MPV17: variants seen among roughly 807,000 people sequenced by gnomAD.
MPV17 encodes mitochondrial inner membrane protein MPV17.
MPV17 carries 31 observed loss-of-function variants against 28.6 expected under a neutral mutation model. That is an observed-to-expected ratio of 1.08 (90% CI 0.81 to 1.46). MPV17 has a LOEUF of 1.46. Among genes scored for constraint, MPV17 ranks in the 40% most tolerant of loss-of-function variants. MPV17 has a pLI of 0.00. For synonymous variants in MPV17, 87 were observed against 85.3 expected (o/e 1.02, Z -0.11); for missense variants, 198 against 216.2 (o/e 0.92, Z 0.53).
In MPV17 at chr2:27,315,245, T is replaced by C. The variant is rs529299526; in HGVS notation, c.71-2136A>G. Among the ~76,000 whole-genome samples, 8 of 152,368 alleles carry C rather than the reference T, an allele frequency of 5.3e-5. No individual in the cohort carries two copies. The East Asian group carries it at 1.2e-3, about 22-fold the overall frequency. ...CTCTGAGAAAGGGTCTGAAGAATTC[T>C]TAAGTTGCCCAAAGGTCCAAGTCGG... is the stretch of plus-strand genomic sequence containing the variant. On this transcript the variant is annotated intron_variant, in intron 2 of 7. Transcript: ENST00000380044.
At chr2:27,316,153 T>C in intron 2 of MPV17, 8 of 1,551,186 alleles carry the variant, frequency 5.2e-6, no homozygotes, top group Non-Finnish European at 7.0e-6. Context: ...TTCTGCTCCT[T>C]GTCACCTCGT....
intron 1 of MPV17, among the ~76,000 whole-genome samples, 193 bp downstream of exon 1, chr2:27,322,859 G>A (rs968486203): frequency 3.9e-5 from 6 of 152,192 alleles, no homozygotes; most frequent in African/African-American, 1.4e-4. Flanking sequence ...CCCAGAGCTT[G>A]GGTGCCTCAA....
chr2:27,322,096 G>A (rs923516775), intron 2 of MPV17: 7 of 340,290 alleles, frequency 2.1e-5, no homozygotes, highest in Admixed American at 4.4e-5. Context: ...ACACACCTTT[G>A]TGGGGGCCCT....
chr2:27,314,514 A>T (rs1033819906), intron 2 of MPV17, among the ~76,000 whole-genome samples: 1 of 152,152 alleles, frequency 6.6e-6, no homozygotes, highest in Non-Finnish European at 1.5e-5. Context: ...TTTCCCTTCC[A>T]GGACTCTGCA....
At chr2:27,312,006 C>G (rs1679462783) in intron 6 of MPV17, 55 bp from the exon 7 acceptor site, 3 of 1,597,574 alleles carry the variant, frequency 1.9e-6, no homozygotes, top group Non-Finnish European at 2.6e-6. Context: ...ACCCCAGACT[C>G]ACTGTCTTGC....
At chr2:27,322,974 T>C in intron 1 of MPV17, 78 bp downstream of exon 1, 2 of 235,148 alleles carry the variant, frequency 8.5e-6, no homozygotes, top group Admixed American at 5.2e-5. Flanking sequence ...TGCCCGGATA[T>C]AGGATGACCA....
At chr2:27,310,424 G>C (rs1229974657) in intron 7 of MPV17, among the ~76,000 whole-genome samples, 1 of 152,168 alleles carries the variant, frequency 6.6e-6, no homozygotes, top group Non-Finnish European at 1.5e-5. Flanking sequence ...GGGCCTGTGT[G>C]GCTTGCACTA....
intron 7 of MPV17, chr2:27,310,983 T>C (rs962779584): frequency 6.7e-6 from 1 of 148,696 alleles, no homozygotes; most frequent in Non-Finnish European, 1.5e-5. Flanking sequence ...GACCTTGTGA[T>C]CCACCTGCCT....
Position 27,312,581 on chromosome 2 carries a change from A to C in MPV17, c.288T>G (p.Phe96Leu). Residue 96 changes from phenylalanine (F) to leucine (L), a missense_variant, in exon 5 of 8, where the codon TTT becomes TTG. Coordinates refer to ENST00000380044, the MANE Select transcript of MPV17 (RefSeq NM_002437.5). ...GAAAGCAGCCTAGAAAACACGGGGC[A>C]AAGCCCCCCTAGGGAAGAGAAATTA... Reference protein sequence around the residue: ...LKKMLLDQGGFAPCFLGCFLP... With the variant: ...LKKMLLDQGGLAPCFLGCFLP... The C allele has an allele frequency of 6.2e-7, 1 of 1,614,044 alleles. No individual in the cohort carries two copies. The highest frequency in any genetic ancestry group is 8.5e-7 in the Non-Finnish European group (1 of 1,179,926).
chr2:27,317,165 C>A lies in MPV17; in HGVS notation c.71-4056G>T. On this transcript the variant is annotated intron_variant, in intron 2 of 7. Transcript: ENST00000380044. The surrounding 1 kb of genome is among the most constrained non-coding windows in gnomAD (Gnocchi z 4.0). ...AGGAGCAGGAAGCGTGTCCTTCAGT[C>A]CAGGAGGCCTGGGTCGGCAGGTATA... 1 of 1,550,264 alleles carries A rather than the reference C, an allele frequency of 6.5e-7. No individual in the cohort carries two copies. The highest frequency in any genetic ancestry group is 8.7e-7 in the Non-Finnish European group (1 of 1,146,914).
rs886639038 is a variant in MPV17, at chr2:27,317,018, C to G, written c.71-3909G>C. 2.1e-6 allele frequency: 3 copies of G among 1,461,960 alleles called. No homozygotes were observed. Among genetic ancestry groups the G allele is most frequent in the Non-Finnish European group, 2.8e-6 (3 of 1,087,054 alleles). 90.6% of individuals were successfully genotyped at this position (1,461,960 alleles called of 1,614,324 possible). A position where few individuals can be genotyped will look rare whatever the true frequency, so the allele number is the denominator to read the frequency against. On this transcript the variant is annotated intron_variant, in intron 2 of 7. Coordinates refer to ENST00000380044, the MANE Select transcript of MPV17 (RefSeq NM_002437.5). This position sits in a 1 kb window ranked among gnomAD's most constrained non-coding sequence, Gnocchi z 4.0. ...GTGGAAAAGCCCCAACTTCCACACC[C>G]TCTTCCCGGGCATGGGCAGGGTAAA... is the stretch of plus-strand genomic sequence containing the variant.
At chr2:27,322,593 C>T in intron 1 of MPV17, 71 bp from the exon 2 acceptor site, 1 of 1,269,822 alleles carries the variant, frequency 7.9e-7, no homozygotes, top group East Asian at 2.3e-5. Context: ...CCTGACATTC[C>T]CTTGTGCCCA....
intron 7 of MPV17, 117 bp downstream of exon 7, chr2:27,311,781 CG>C: frequency 6.4e-7 from 1 of 1,558,798 alleles, no homozygotes; most frequent in East Asian, 2.3e-5. Context: ...ACTCTGATCA[CG>C]GCTCAGTGTT....
chr2:27,322,309 G>A, intron 2 of MPV17, 139 bp downstream of exon 2: 1 of 809,662 alleles, frequency 1.2e-6, no homozygotes, highest in Non-Finnish European at 2.1e-6. Context: ...AACAGACTGG[G>A]GACAGTGTAG....
intron 2 of MPV17, among the ~76,000 whole-genome samples, chr2:27,314,513 C>T (rs1408523323): frequency 1.3e-5 from 2 of 152,242 alleles, no homozygotes; most frequent in Non-Finnish European, 2.9e-5. Flanking sequence ...ATTTCCCTTC[C>T]AGGACTCTGC....
intron 2 of MPV17, among the ~76,000 whole-genome samples, chr2:27,315,048 A>G (rs1679600481): frequency 6.6e-6 from 1 of 152,150 alleles, no homozygotes; most frequent in Non-Finnish European, 1.5e-5. Flanking sequence ...AAACTCCCAA[A>G]GTGGTGGGGG....
intron 5 of MPV17, 105 bp downstream of exon 5, chr2:27,312,389 G>T: frequency 7.0e-7 from 1 of 1,436,694 alleles, no homozygotes; most frequent in Non-Finnish European, 9.8e-7. Flanking sequence ...ATGGCCTGGG[G>T]CCCTACCTGC....
Position 27,312,442 on chromosome 2 carries a change from C to A in MPV17, c.375+52G>T, listed in dbSNP as rs182015952. On this transcript the variant is annotated intron_variant, in intron 5 of 7. Coordinates refer to ENST00000380044, the MANE Select transcript of MPV17 (RefSeq NM_002437.5). ...TCCCTGTAAAACCTGTCTTCTTCCCCTGGGCTGTCAGCCCGCCAGCCAGAG... is the reference window on the plus strand; with the variant it reads ...TCCCTGTAAAACCTGTCTTCTTCCCATGGGCTGTCAGCCCGCCAGCCAGAG... 1.8e-5 allele frequency: 28 copies of A among 1,578,402 alleles called. No individual in the cohort carries two copies. In the Middle Eastern group the frequency reaches 6.6e-4, roughly 37 times the overall value.
intron 7 of MPV17, chr2:27,311,537 G>C (rs1679438762): frequency 3.3e-6 from 5 of 1,501,136 alleles, no homozygotes; most frequent in Admixed American, 4.0e-5. Context: ...GTGAGTGTCT[G>C]ACCAGGCTCC....
Sources: gnomAD v4.1 joint callset for allele counts (sites outside exome capture counted in the v4.1 genomes callset) on GRCh38, gnomAD v4.1.1 for gene constraint, Gnocchi (gnomAD v3.1) non-coding constraint, MANE v1.5 for transcripts, NCBI Gene and HGNC (gene_info 2026-07-23, HGNC 2026-07-21) for gene names.